IDE: variants seen among roughly 807,000 people sequenced by gnomAD.
IDE encodes insulin degrading enzyme, also known as insulin-degrading enzyme.
A neutral mutation model predicts 133.2 loss-of-function variants in IDE; 58 were observed. The ratio of observed to expected loss-of-function variants is 0.44; its 90% CI spans 0.35 to 0.54. The LOEUF (loss-of-function observed/expected upper bound fraction) is 0.54. Among genes scored for constraint, IDE ranks in the 20% least tolerant of loss-of-function variants. The pLI, the probability that IDE is intolerant of heterozygous loss-of-function variation, is 0.00. For missense variants in IDE, 981 were observed against 1,234.0 expected, an observed-to-expected ratio of 0.79 and a Z score of 3.07; for synonymous variants, 396 against 421.3, an observed-to-expected ratio of 0.94 and a Z score of 0.73.
chr10:92,513,675 G>C (rs1336234505), intron 5 of IDE, among the ~76,000 whole-genome samples: 2 of 149,526 alleles, frequency 1.3e-5, no homozygotes, highest in Non-Finnish European at 3.0e-5. Context: ...AAAATGTTTA[G>C]TTATATATGC....
At chr10:92,505,289 GA>G (rs1232772703) in intron 10 of IDE, among the ~76,000 whole-genome samples, 1 of 152,120 alleles carries the variant, frequency 6.6e-6, no homozygotes, top group Non-Finnish European at 1.5e-5. Context: ...TTTATGAACA[GA>G]ATTTCCTCCT....
chr10:92,558,016 G>T (rs1270167400), intron 1 of IDE, among the ~76,000 whole-genome samples: 7 of 152,012 alleles, frequency 4.6e-5, no homozygotes, highest in Admixed American at 3.3e-4. Flanking sequence ...ATTCAAAATA[G>T]ATCAAAGACT....
intron 4 of IDE, among the ~76,000 whole-genome samples, chr10:92,525,552 C>T (rs1849578600): frequency 6.6e-6 from 1 of 152,046 alleles, no homozygotes; most frequent in African/African-American, 2.4e-5. Context: ...AGCCATTAGA[C>T]AAGACATAAA....
rs771365347 is a variant in IDE, at chr10:92,475,236, GT to G, written c.1996-276del. Among the ~76,000 whole-genome samples the G allele has an allele frequency of 2.1e-4, 32 of 152,134 alleles. 1 individual carries two copies. The highest frequency in any genetic ancestry group is 3.7e-4 in the Non-Finnish European group (25 of 68,020). On this transcript the variant is annotated intron_variant, in intron 16 of 24. Transcript: ENST00000265986. ...TGGGATATCTTTAGTCCCTCAGAAA[GT>G]TATCCCTAGTTTTCAGGGAAGTCTT...
intron 1 of IDE, among the ~76,000 whole-genome samples, chr10:92,562,172 A>C (rs532196186): frequency 6.6e-6 from 1 of 152,194 alleles, no homozygotes; most frequent in Admixed American, 6.5e-5. Context: ...GTTGATTCCC[A>C]TTTAAAAAAT....
At chr10:92,504,649 G>C (rs535722386) in intron 11 of IDE, 145 bp downstream of exon 11, 1 of 565,250 alleles carries the variant, frequency 1.8e-6, no homozygotes, top group Admixed American at 3.3e-5. Context: ...GTTGAAGCTT[G>C]GTGTTGCTTC....
intron 1 of IDE, among the ~76,000 whole-genome samples, chr10:92,546,923 G>A (rs1842555304): frequency 6.6e-6 from 1 of 152,116 alleles, no homozygotes; most frequent in African/African-American, 2.4e-5. Context: ...TTCAGGATTT[G>A]AATGAGAAAA....
chr10:92,522,537 T>G (rs1849284493), intron 4 of IDE, among the ~76,000 whole-genome samples: 1 of 152,222 alleles, frequency 6.6e-6, no homozygotes, highest in Admixed American at 6.5e-5. Context: ...CCTTTTCTTT[T>G]TCCCCTTGAA....
At chr10:92,515,234 T>C (rs1848839472) in intron 4 of IDE, among the ~76,000 whole-genome samples, 192 bp from the exon 5 acceptor site, 2 of 151,766 alleles carry the variant, frequency 1.3e-5, no homozygotes, top group Admixed American at 6.6e-5. Flanking sequence ...TTTTAAACTA[T>C]AGTCGTCTCT....
At chr10:92,505,193 T>C (rs912178142) in intron 10 of IDE, among the ~76,000 whole-genome samples, 29 of 152,224 alleles carry the variant, frequency 1.9e-4, no homozygotes, top group Admixed American at 1.5e-3. Context: ...TGTTTCTGGT[T>C]AAAAACTGAG....
At chr10:92,456,781 T>C (rs1459618631) in intron 22 of IDE, among the ~76,000 whole-genome samples, 2 of 129,014 alleles carry the variant, frequency 1.6e-5, no homozygotes, top group African/African-American at 3.0e-5. Flanking sequence ...AAGTTTGCCA[T>C]GTGCCATGAG....
chr10:92,473,339 G>A (rs965851752), intron 17 of IDE, among the ~76,000 whole-genome samples: 3 of 151,974 alleles, frequency 2.0e-5, no homozygotes, highest in African/African-American at 7.3e-5. Context: ...AATAAAGGGT[G>A]ATACCAATCT....
In IDE at chr10:92,487,296, T is replaced by A. The variant is rs745343776; in HGVS notation, c.1556A>T (p.Asn519Ile). Residue 519 changes from asparagine to isoleucine, a missense_variant, in exon 13 of 25, where the codon AAT becomes ATT. Asn to Ile is a moderately radical substitution (Grantham distance 149). Transcript: ENST00000265986. ...CTTTGTAGGAAGTTTAAATTTCCCA[T>A]TCAGGTCAGCATTTTGCCATTTCTG... The part of the protein sequence containing the change: ...VIKKWQNADL[N>I]GKFKLPTKNE... 6.2e-7 allele frequency: 1 copy of A among 1,611,964 alleles called. No individual in the cohort carries two copies. The highest frequency in any genetic ancestry group is 8.5e-7 in the Non-Finnish European group (1 of 1,179,114).
At position 92,483,257 on chromosome 10, in the gene IDE, GA is replaced by G; in HGVS notation, c.1736del (p.Phe579SerfsTer35). 6.4e-7 allele frequency: 1 copy of G among 1,558,800 alleles called. No homozygotes were observed. Among genetic ancestry groups the G allele is most frequent in the Non-Finnish European group, 8.8e-7 (1 of 1,130,028 alleles). ...LPKACLNFEF[F>X]SPFAYVDPLH... Reference sequence around the variant, plus strand: ...TAAGCTAGATTCATCTTACATACCTGAAAAATTCAAAGTTGAGACAAGCCTT... The same window carrying G: ...TAAGCTAGATTCATCTTACATACCTGAAAATTCAAAGTTGAGACAAGCCTT... On this transcript the variant is annotated frameshift_variant, in exon 14 of 25. Coordinates refer to ENST00000265986, the MANE Select transcript of IDE (RefSeq NM_004969.4). LOFTEE classifies it high-confidence loss of function.
intron 15 of IDE, chr10:92,478,738 G>A (rs1246738712): frequency 7.8e-7 from 1 of 1,278,978 alleles, no homozygotes; most frequent in Non-Finnish European, 1.0e-6. Flanking sequence ...TCAATAACCT[G>A]ATAAACAGGT....
intron 1 of IDE, among the ~76,000 whole-genome samples, chr10:92,551,386 G>A (rs898115330): frequency 1.3e-5 from 2 of 151,790 alleles, no homozygotes; most frequent in Non-Finnish European, 1.5e-5. Flanking sequence ...TGGCCAACAC[G>A]GTGAAACCCC....
chr10:92,524,908 C>T (rs1849542793), intron 4 of IDE, among the ~76,000 whole-genome samples: 1 of 144,192 alleles, frequency 6.9e-6, no homozygotes, highest in Non-Finnish European at 1.5e-5. Context: ...GAGTGAGACT[C>T]CATCTCAAAC....
chr10:92,511,461 T>C (rs566810763), intron 5 of IDE, among the ~76,000 whole-genome samples: 39 of 152,266 alleles, frequency 2.6e-4, no homozygotes, highest in African/African-American at 8.4e-4. Flanking sequence ...TCCTCAAAAA[T>C]AGGTTATTTA....
intron 23 of IDE, among the ~76,000 whole-genome samples, 176 bp from the exon 24 acceptor site, chr10:92,455,819 C>T (rs1378646032): frequency 1.3e-5 from 2 of 152,170 alleles, no homozygotes; most frequent in Non-Finnish European, 2.9e-5. Context: ...CTTGTCCTGC[C>T]TTCTATCCAG....
Sources: gnomAD v4.1 joint callset for allele counts (sites outside exome capture counted in the v4.1 genomes callset) on GRCh38, gnomAD v4.1.1 for gene constraint, MANE v1.5 for transcripts, NCBI Gene and HGNC (gene_info 2026-07-23, HGNC 2026-07-21) for gene names.